SHISA9: variants seen among roughly 807,000 people sequenced by gnomAD.
SHISA9 encodes protein shisa-9.
A neutral mutation model predicts 38.0 loss-of-function variants in SHISA9; 13 were observed. The observed-to-expected ratio is 0.34, with a 90% confidence interval of 0.22 to 0.54. The LOEUF (loss-of-function observed/expected upper bound fraction) is 0.54. Among genes scored for constraint, SHISA9 ranks in the 20% least tolerant of loss-of-function variants. SHISA9 has a pLI of 0.91. For synonymous variants in SHISA9, 275 were observed against 242.0 expected (o/e 1.14, Z -1.27); for missense variants, 538 against 575.8 (o/e 0.93, Z 0.67).
the SHISA9 span, among the ~76,000 whole-genome samples, chr16:13,471,657 G>C: frequency 6.7e-6 from 1 of 149,966 alleles, no homozygotes; most frequent in Non-Finnish European, 1.5e-5. Flanking sequence ...ATGCCCCAGG[G>C]AGCTACCTGA....
the SHISA9 span, among the ~76,000 whole-genome samples, chr16:13,342,197 C>T: frequency 1.3e-5 from 2 of 152,180 alleles, no homozygotes; most frequent in Admixed American, 1.3e-4. Context: ...CTGATCATAT[C>T]TATTATTTCA....
chr16:12,909,294 A>T, intron 1 of SHISA9: 1 of 985,294 alleles, frequency 1.0e-6, no homozygotes. Flanking sequence ...AAATGTCTAT[A>T]CCTGTGTAAT....
chr16:13,257,377 C>T, the SHISA9 span, among the ~76,000 whole-genome samples: 1 of 152,142 alleles, frequency 6.6e-6, no homozygotes. Context: ...CCTTTCTGAT[C>T]ACTAAGATTG....
At chr16:13,251,560 T>TAGGTAGAC in the SHISA9 span, among the ~76,000 whole-genome samples, 908 of 152,232 alleles carry the variant, frequency 6.0e-3, 8 homozygotes, top group African/African-American at 0.021. Flanking sequence ...CTCCATCTCT[T>TAGGTAGAC]AGGTAGACAA....
chr16:13,485,220 T>A, the SHISA9 span, among the ~76,000 whole-genome samples: 1 of 151,880 alleles, frequency 6.6e-6, no homozygotes, highest in African/African-American at 2.4e-5. Context: ...GGCCCTGGTG[T>A]GTGATCTTCC....
intron 2 of SHISA9, among the ~76,000 whole-genome samples, chr16:13,081,543 T>A (rs1160277915): frequency 6.6e-6 from 1 of 152,190 alleles, no homozygotes; most frequent in Non-Finnish European, 1.5e-5. Flanking sequence ...AAGGTATTTT[T>A]TTTTTTTTGA....
chr16:12,904,873 T>C (rs1309181262), intron 1 of SHISA9, among the ~76,000 whole-genome samples: 1 of 152,044 alleles, frequency 6.6e-6, no homozygotes, highest in Non-Finnish European at 1.5e-5. Flanking sequence ...ATCTGTATTA[T>C]TATTTATTTA....
chr16:13,332,156 T>C, the SHISA9 span, among the ~76,000 whole-genome samples: 1 of 152,144 alleles, frequency 6.6e-6, no homozygotes, highest in African/African-American at 2.4e-5. Context: ...TCTGCTGGTA[T>C]ACTGGAGAAG....
intron 2 of SHISA9, among the ~76,000 whole-genome samples, chr16:13,123,186 G>A (rs1402735277): frequency 2.0e-5 from 3 of 151,854 alleles, no homozygotes; most frequent in Non-Finnish European, 4.4e-5. Flanking sequence ...GAGGATGTAT[G>A]GGAGACAGAA....
At chr16:13,216,184 CAAAAAAAAAAA>C (rs929173872) in intron 4 of SHISA9, among the ~76,000 whole-genome samples, 17 of 113,028 alleles carry the variant, frequency 1.5e-4, no homozygotes, top group Admixed American at 6.5e-4. Context: ...GAGACTCTGT[CAAAAAAAAAAA>C]AAAAAAAAAA....
At chr16:13,388,174 A>G in the SHISA9 span, among the ~76,000 whole-genome samples, 2 of 152,150 alleles carry the variant, frequency 1.3e-5, no homozygotes, top group African/African-American at 2.4e-5. Flanking sequence ...TGAGATGTGG[A>G]ACAGAAGAAA....
At chr16:13,444,298 A>G in the SHISA9 span, among the ~76,000 whole-genome samples, 2 of 151,312 alleles carry the variant, frequency 1.3e-5, no homozygotes, top group African/African-American at 4.9e-5. Context: ...TTGAGCCCAG[A>G]GGGTGGAAGT....
the SHISA9 span, among the ~76,000 whole-genome samples, chr16:13,355,913 C>T: frequency 1.1e-4 from 16 of 152,166 alleles, no homozygotes; most frequent in African/African-American, 3.9e-4. Flanking sequence ...GGAGTGGCTG[C>T]CAGGTGAGTT....
At chr16:12,915,296 A>C (rs1407308739) in intron 1 of SHISA9, among the ~76,000 whole-genome samples, 1 of 152,146 alleles carries the variant, frequency 6.6e-6, no homozygotes, top group Non-Finnish European at 1.5e-5. Flanking sequence ...CCCTGAGACC[A>C]CGTCTCTACA....
chr16:13,285,608 C>T, the SHISA9 span, among the ~76,000 whole-genome samples: 1 of 151,878 alleles, frequency 6.6e-6, no homozygotes, highest in Non-Finnish European at 1.5e-5. Context: ...CAAGGTATAG[C>T]CCCACTTCTC....
the SHISA9 span, among the ~76,000 whole-genome samples, chr16:13,400,974 A>C: frequency 2.6e-5 from 4 of 152,300 alleles, no homozygotes; most frequent in African/African-American, 9.6e-5. Context: ...CTCTCCTAGC[A>C]GGTGAGCTGG....
At chr16:13,398,880 A>G in the SHISA9 span, among the ~76,000 whole-genome samples, 5 of 152,226 alleles carry the variant, frequency 3.3e-5, no homozygotes, top group African/African-American at 1.2e-4. Context: ...TATTTGTTAA[A>G]TGAATCATGA....
intron 2 of SHISA9, among the ~76,000 whole-genome samples, chr16:13,168,384 C>T (rs996941133): frequency 6.6e-6 from 1 of 152,234 alleles, no homozygotes; most frequent in African/African-American, 2.4e-5. Flanking sequence ...ATAGCAATGC[C>T]ATCCAAACCT....
At chr16:13,260,007 CTTTTTTTTTTTTTTTTT>C in the SHISA9 span, among the ~76,000 whole-genome samples, 2 of 60,418 alleles carry the variant, frequency 3.3e-5, no homozygotes. Flanking sequence ...TTCTTTCTTT[CTTTTTTTTTTTTTTTTT>C]TTTTTTTTTT....
Sources: allele counts gnomAD v4.1 joint callset (sites outside exome capture counted in the v4.1 genomes callset), GRCh38; gene constraint gnomAD v4.1.1; transcripts MANE v1.5; gene names NCBI Gene and HGNC (gene_info 2026-07-23, HGNC 2026-07-21).